The following ZNF99 variants were observed in gnomAD, a reference collection of about 807,000 sequenced individuals.
The protein encoded by ZNF99 is zinc finger protein 99.
Under a neutral mutation model 12.8 loss-of-function variants are expected in ZNF99, and 8 were observed. That is an observed-to-expected ratio of 0.62 (90% CI 0.37 to 1.13). ZNF99 has a LOEUF of 1.13. Ranked by LOEUF, ZNF99 falls within the 50% of genes most tolerant of loss-of-function variation. The pLI, the probability that ZNF99 is intolerant of heterozygous loss-of-function variation, is 0.02. For missense variants in ZNF99, 1,007 were observed against 1,006.2 expected (o/e 1.00, Z -0.01); for synonymous variants, 318 against 319.0 (o/e 1.00, Z 0.03).
rs75814495 is a variant in ZNF99 at position 22,758,100 on chromosome 19, G to T, written c.1809C>A (p.Asn603Lys). 1 of 1,602,196 alleles carries T rather than the reference G, an allele frequency of 6.2e-7. No individual in the cohort carries two copies. Residue 603 changes from asparagine (N) to lysine (K), a missense_variant, in exon 4 of 4, where the codon AAC (asparagine) becomes AAA (lysine). By Grantham distance (94) the Asn-to-Lys change is moderately conservative. Coordinates refer to ENST00000596209, the MANE Select transcript of ZNF99 (RefSeq NM_001080409.3). ...YKCEECGKAFNHFSALRKHQI... is the reference protein window; with the variant it reads ...YKCEECGKAFKHFSALRKHQI... ...GATGTTTTCTAAGGGCTGAGAAGTGGTTAAAAGCTTTGCCACATTCTTCAC... is the reference window on the plus strand; with the variant it reads ...GATGTTTTCTAAGGGCTGAGAAGTGTTTAAAAGCTTTGCCACATTCTTCAC...
intron 1 of ZNF99, 39 bp downstream of exon 1, chr19:22,783,975 C>T: frequency 6.2e-7 from 1 of 1,613,744 alleles, no homozygotes; most frequent in Non-Finnish European, 8.5e-7. Flanking sequence ...TCCAGTCAGC[C>T]CCTTCCCCTT....
chr19:22,759,050 A>G lies in ZNF99; in HGVS notation c.859T>C (p.Cys287Arg). The change falls in exon 4 of 4, where the codon TGT becomes CGT. Residue 287 changes from cysteine to arginine, a missense_variant. Transcript: ENST00000596209. ...IIHTGKKPYK[C>R]EECGKAFKQS... is the part of the protein sequence containing the mutation. ...TTAAAAGCTTTGCCACATTCTTCAC[A>G]TTTATATGGTTTCTTCCCAGTATGA... 1 of 1,613,748 alleles carries G rather than the reference A, an allele frequency of 6.2e-7. No homozygotes were observed. Among genetic ancestry groups the G allele is most frequent in the Non-Finnish European group, 8.5e-7 (1 of 1,179,808 alleles).
intron 1 of ZNF99, among the ~76,000 whole-genome samples, chr19:22,772,532 C>T (rs528598061): frequency 1.3e-5 from 2 of 152,148 alleles, no homozygotes; most frequent in Admixed American, 1.3e-4. Flanking sequence ...ACAAAATTAG[C>T]CTGGCATGGT....
In ZNF99 at chr19:22,757,500, G is replaced by T; in HGVS notation, c.2409C>A (p.Thr803=). 1 of 1,608,612 alleles carries T rather than the reference G, an allele frequency of 6.2e-7. No homozygotes were observed. Among genetic ancestry groups the T allele is most frequent in the Non-Finnish European group, 8.5e-7 (1 of 1,179,026 alleles). ...TATGAATTATCTCATGTTTTCTAAG[G>T]GTTGAGGAATTGTTAAAAGCTTTGC... is the stretch of plus-strand genomic sequence containing the variant. The part of the protein sequence containing the change: ...ECGKAFNNSS[T]LRKHEIIHTG... Residue 803 remains threonine (T), a synonymous_variant, in exon 4 of 4, where the codon ACC becomes ACA. Transcript: ENST00000596209.
rs533526047 is a variant in ZNF99, at chr19:22,784,102, G to A, written c.-86C>T. On this transcript the variant is annotated 5_prime_UTR_variant, in exon 1 of 4. Transcript: ENST00000596209. The stretch of plus-strand genomic sequence containing the variant: ...CAGGGCCACAGAGGCTAAGGACACA[G>A]AGCAGTAAAAACGAGATCCGGAGCT... 1 of 1,511,128 alleles carries A rather than the reference G, an allele frequency of 6.6e-7. No homozygotes were observed. Among genetic ancestry groups the A allele is most frequent in the Non-Finnish European group, 9.1e-7 (1 of 1,099,506 alleles). 93.6% of individuals were successfully genotyped at this position (1,511,128 alleles called of 1,614,324 possible).
At chr19:22,775,149 T>C (rs1370742090) in intron 1 of ZNF99, among the ~76,000 whole-genome samples, 3 of 152,218 alleles carry the variant, frequency 2.0e-5, no homozygotes, top group African/African-American at 7.2e-5. Context: ...TTACATTACC[T>C]GACTTCAAAC....
rs1280955930 is a variant in ZNF99, at chr19:22,754,768, T to C, written c.*2546A>G. On this transcript the variant is annotated 3_prime_UTR_variant, in exon 4 of 4. Coordinates refer to ENST00000596209, the MANE Select transcript of ZNF99 (RefSeq NM_001080409.3). ...GGGTTTCTCTTCAGTATAAATTGTT[T>C]ATTAAGAATTGAAGAATTAGGCTGG... 3.2e-5 allele frequency: 7 copies of C among 219,134 alleles called. No homozygotes were observed. The highest frequency in any genetic ancestry group is 6.5e-5 in the Non-Finnish European group (7 of 108,242). The allele number at this position is 219,134 out of a possible 1,614,324, so 13.6% of individuals were successfully genotyped here. A position where few individuals can be genotyped will look rare whatever the true frequency, so the allele number is the denominator to read the frequency against.
chr19:22,783,728 C>T (rs992902494), intron 1 of ZNF99, among the ~76,000 whole-genome samples: 21 of 152,176 alleles, frequency 1.4e-4, no homozygotes, highest in Non-Finnish European at 8.8e-5. Flanking sequence ...TCCCGTGGTC[C>T]CTGCACAATC....
At chr19:22,775,166 A>T (rs1401426856) in intron 1 of ZNF99, among the ~76,000 whole-genome samples, 2 of 152,352 alleles carry the variant, frequency 1.3e-5, no homozygotes, top group Non-Finnish European at 2.9e-5. Context: ...AAACTATGCA[A>T]CAGGGCTACA....
At position 22,758,799 on chromosome 19, in the gene ZNF99, T is replaced by C. The variant is rs574197245; in HGVS notation, c.1110A>G (p.Lys370=). Residue 370 remains lysine, a synonymous_variant, in exon 4 of 4, where the codon AAA becomes AAG. Coordinates refer to ENST00000596209, the MANE Select transcript of ZNF99 (RefSeq NM_001080409.3). The part of the protein sequence containing the change: ...EIIHTEEKPY[K]YEECGKAFSN... ...TAAAAGCTTTGCCGCATTCTTCATATTTGTAGGGTTTCTCTTCAGTATGAA... is the reference window on the plus strand; with the variant it reads ...TAAAAGCTTTGCCGCATTCTTCATACTTGTAGGGTTTCTCTTCAGTATGAA... The C allele has an allele frequency of 6.9e-6, 11 of 1,604,016 alleles. No homozygotes were observed. The highest frequency in any genetic ancestry group is 3.3e-4 in the Middle Eastern group (2 of 6,002).
chr19:22,763,984 C>G (rs1213357120), intron 3 of ZNF99, among the ~76,000 whole-genome samples: 3 of 143,418 alleles, frequency 2.1e-5, no homozygotes, highest in African/African-American at 8.0e-5. Flanking sequence ...TCTTGGCTCA[C>G]CACAACTTCT....
At chr19:22,760,906 A>AAT (rs1229709065) in intron 3 of ZNF99, among the ~76,000 whole-genome samples, 2,157 of 148,700 alleles carry the variant, frequency 0.015, 51 homozygotes, top group African/African-American at 0.051. Context: ...AAAAAAAAAA[A>AAT]TTTCAAACAA....
At chr19:22,783,523 A>G (rs1973413891) in intron 1 of ZNF99, among the ~76,000 whole-genome samples, 2 of 152,184 alleles carry the variant, frequency 1.3e-5, no homozygotes, top group Admixed American at 6.5e-5. Context: ...AATCCCTTCC[A>G]TAGACCATAA....
At chr19:22,783,248 C>A (rs755910520) in intron 1 of ZNF99, among the ~76,000 whole-genome samples, 35 of 152,062 alleles carry the variant, frequency 2.3e-4, no homozygotes, top group Non-Finnish European at 2.8e-4. Flanking sequence ...CCACTGCACT[C>A]CAGCCTGGGC....
rs900328052 is a variant in ZNF99, at chr19:22,752,511, T to C, written c.*4803A>G. On this transcript the variant is annotated 3_prime_UTR_variant, in exon 4 of 4. Transcript: ENST00000596209. ...AGAAGTTTAAATAAGATTAAAAGTATAAAAATGTAACCTACGAGAACAATA... is the reference window on the plus strand; with the variant it reads ...AGAAGTTTAAATAAGATTAAAAGTACAAAAATGTAACCTACGAGAACAATA... 1.3e-5 allele frequency: 2 copies of C among 151,698 alleles called. No individual in the cohort carries two copies. Among genetic ancestry groups the C allele is most frequent in the Non-Finnish European group, 2.9e-5 (2 of 67,902 alleles). 9.4% of individuals were successfully genotyped at this position (151,698 alleles called of 1,614,324 possible). A position where few individuals can be genotyped will look rare whatever the true frequency, so the allele number is the denominator to read the frequency against.
rs71357954 is a variant in ZNF99 at position 22,784,037 on chromosome 19, C to T, written c.-21G>A. On this transcript the variant is annotated 5_prime_UTR_variant, in exon 1 of 4. Coordinates refer to ENST00000596209, the MANE Select transcript of ZNF99 (RefSeq NM_001080409.3). ...ACCATTTCTAAGCTTCCAGGGGGTCCTGGCGTCCTAGCTGTGGATCTCCAA... is the reference window on the plus strand; with the variant it reads ...ACCATTTCTAAGCTTCCAGGGGGTCTTGGCGTCCTAGCTGTGGATCTCCAA... 66,680 of 1,613,286 alleles carry T rather than the reference C, an allele frequency of 0.041. 4,064 individuals are homozygous for T. Among genetic ancestry groups the T allele is most frequent in the African/African-American group, 0.29 (21,996 of 74,852 alleles).
At chr19:22,772,628 G>A (rs1371340143) in intron 1 of ZNF99, among the ~76,000 whole-genome samples, 2 of 150,726 alleles carry the variant, frequency 1.3e-5, no homozygotes, top group Non-Finnish European at 2.9e-5. Context: ...GGTGAGCCGA[G>A]ATGGTGCCAT....
At chr19:22,765,820 T>C (rs1288749388) in intron 3 of ZNF99, among the ~76,000 whole-genome samples, 1 of 151,880 alleles carries the variant, frequency 6.6e-6, no homozygotes, top group East Asian at 1.9e-4. Context: ...TGTGCATATA[T>C]AACAAGAGAA....
In ZNF99 at chr19:22,754,699, G is replaced by A. The variant is rs544261527; in HGVS notation, c.*2615C>T. ...TTATGAATTATCTTATGTTCAGTAA[G>A]GTTTGAGGACGTTAAAAGCTTTGCA... On this transcript the variant is annotated 3_prime_UTR_variant, in exon 4 of 4. Coordinates refer to ENST00000596209, the MANE Select transcript of ZNF99 (RefSeq NM_001080409.3). The A allele has an allele frequency of 3.1e-5, 9 of 294,594 alleles. No homozygotes were observed. Among genetic ancestry groups the A allele is most frequent in the African/African-American group, 2.0e-4 (9 of 44,182 alleles). 18.2% of individuals were successfully genotyped at this position (294,594 alleles called of 1,614,324 possible).
Sources: gnomAD v4.1 joint callset for allele counts (sites outside exome capture counted in the v4.1 genomes callset) on GRCh38, gnomAD v4.1.1 for gene constraint, MANE v1.5 for transcripts, NCBI Gene and HGNC (gene_info 2026-07-23, HGNC 2026-07-21) for gene names.